Variants in INPP5A observed in about 807,000 individuals in gnomAD.
INPP5A encodes inositol polyphosphate-5-phosphatase A.
INPP5A carries 14 observed loss-of-function variants against 65.2 expected under a neutral mutation model. The observed-to-expected ratio is 0.21, with a 90% CI of 0.14 to 0.34. INPP5A has a LOEUF of 0.34. INPP5A is among the 10% of genes least tolerant of loss of function. The pLI, the probability that INPP5A is intolerant of heterozygous loss-of-function variation, is 1.00. For missense variants in INPP5A, 431 were observed against 545.6 expected (o/e 0.79, Z 2.09); for synonymous variants, 207 against 208.3 (o/e 0.99, Z 0.05).
At chr10:132,780,113 G>A (rs1280908220) in intron 13 of INPP5A, among the ~76,000 whole-genome samples, 4 of 152,244 alleles carry the variant, frequency 2.6e-5, no homozygotes, top group African/African-American at 9.6e-5. Flanking sequence ...CGCCCATGCT[G>A]GAAAGTAAAT....
chr10:132,709,502 C>A (rs1332185147), intron 7 of INPP5A, among the ~76,000 whole-genome samples: 1 of 152,060 alleles, frequency 6.6e-6, no homozygotes, highest in African/African-American at 2.4e-5. Context: ...AGGCTGCAGG[C>A]TGCCCTTTGC....
chr10:132,692,950 AAC>A (rs1256876543), intron 5 of INPP5A, among the ~76,000 whole-genome samples: 2 of 152,240 alleles, frequency 1.3e-5, no homozygotes, highest in Non-Finnish European at 2.9e-5. Context: ...TCAACGTAAC[AAC>A]AGCAACCATG....
At chr10:132,601,751 C>T (rs1280528357) in intron 1 of INPP5A, among the ~76,000 whole-genome samples, 1 of 152,156 alleles carries the variant, frequency 6.6e-6, no homozygotes, top group African/African-American at 2.4e-5. Context: ...TGTTCTTTTC[C>T]CCAGTGAATG....
At chr10:132,752,838 CCGT>C (rs1846520664) in intron 11 of INPP5A, among the ~76,000 whole-genome samples, 1 of 152,124 alleles carries the variant, frequency 6.6e-6, no homozygotes, top group South Asian at 2.1e-4. Flanking sequence ...AGCCACCATA[CCGT>C]ACAGTGTTTC....
chr10:132,733,822 G>A (rs992654324), intron 9 of INPP5A, among the ~76,000 whole-genome samples: 3 of 152,240 alleles, frequency 2.0e-5, no homozygotes, highest in Non-Finnish European at 4.4e-5. Context: ...GCCTCTGCGC[G>A]TGAACAAGCT....
intron 2 of INPP5A, among the ~76,000 whole-genome samples, chr10:132,639,710 T>C (rs752191016): frequency 6.6e-6 from 1 of 152,246 alleles, no homozygotes; most frequent in Non-Finnish European, 1.5e-5. Flanking sequence ...TTGCTCCGAC[T>C]ACGCGTAGAG....
At chr10:132,552,890 C>A (rs1437449618) in intron 1 of INPP5A, among the ~76,000 whole-genome samples, 41 of 92,674 alleles carry the variant, frequency 4.4e-4, no homozygotes, top group East Asian at 1.1e-3. Context: ...GCCTTGGTGG[C>A]ATATTGGGTA....
chr10:132,570,850 C>T (rs1458624635), intron 1 of INPP5A, among the ~76,000 whole-genome samples: 4 of 152,186 alleles, frequency 2.6e-5, no homozygotes, highest in East Asian at 3.9e-4. Context: ...CAGTGAGCTT[C>T]GTGCTGCGAT....
intron 1 of INPP5A, among the ~76,000 whole-genome samples, chr10:132,586,897 T>C (rs1441095548): frequency 1.3e-5 from 2 of 152,196 alleles, no homozygotes; most frequent in African/African-American, 2.4e-5. Flanking sequence ...AGGCTGTGGT[T>C]CTCTGCTTGT....
chr10:132,595,921 T>C (rs1435253846), intron 1 of INPP5A, among the ~76,000 whole-genome samples: 1 of 152,110 alleles, frequency 6.6e-6, no homozygotes, highest in Non-Finnish European at 1.5e-5. Context: ...TTCCCATATT[T>C]TCATAGTTTT....
chr10:132,770,412 CTG>C (rs936301015), intron 12 of INPP5A, among the ~76,000 whole-genome samples: 20 of 152,264 alleles, frequency 1.3e-4, no homozygotes, highest in Admixed American at 3.3e-4. Context: ...CCCTCTTTGT[CTG>C]TGTGGACGCT....
chr10:132,718,184 G>A (rs1845779639), intron 8 of INPP5A, among the ~76,000 whole-genome samples: 1 of 146,764 alleles, frequency 6.8e-6, no homozygotes, highest in Non-Finnish European at 1.5e-5. Flanking sequence ...TTCTGTCTGG[G>A]CGCCTTAGAC....
At chr10:132,567,831 T>G (rs1326974258) in intron 1 of INPP5A, among the ~76,000 whole-genome samples, 1 of 152,170 alleles carries the variant, frequency 6.6e-6, no homozygotes, top group Non-Finnish European at 1.5e-5. Context: ...CTGAATTATA[T>G]GCTTTCCTTT....
chr10:132,668,845 A>G (rs11146457), intron 4 of INPP5A, among the ~76,000 whole-genome samples: 29,826 of 152,132 alleles, frequency 0.2, 3,896 homozygotes, highest in East Asian at 0.46. Context: ...GCCGAGCTCC[A>G]TCGCACGACC....
chr10:132,749,468 G>T (rs536734988), intron 9 of INPP5A, 49 bp from the exon 10 acceptor site: 1 of 1,526,094 alleles, frequency 6.6e-7, no homozygotes, highest in East Asian at 2.3e-5. Flanking sequence ...ACGCTGCCAT[G>T]GGCAGGTGGG....
At chr10:132,617,604 G>A (rs1054074762) in intron 2 of INPP5A, among the ~76,000 whole-genome samples, 2 of 152,210 alleles carry the variant, frequency 1.3e-5, no homozygotes, top group Non-Finnish European at 2.9e-5. Flanking sequence ...CATCCATTGT[G>A]ACCTTCTTCC....
Position 132,537,995 on chromosome 10 carries a change from AGCTGACGCC to A in INPP5A, c.-101_-93del, listed in dbSNP as rs2070860875. ...GCGCCCCGGGGCCGCCCCCCGGCGC[AGCTGACGCC>A]CCGCGGCCCCGCGAAGACCCCGGCC... On this transcript the variant is annotated 5_prime_UTR_variant, in exon 1 of 16. The change abolishes the stop of an existing upstream ORF in the 5' untranslated region. Coordinates refer to ENST00000368594, the MANE Select transcript of INPP5A (RefSeq NM_005539.5). The A allele has an allele frequency of 2.6e-6, 1 of 391,122 alleles. No individual in the cohort carries two copies. The highest frequency in any genetic ancestry group is 2.2e-5 in the African/African-American group (1 of 44,926). The allele number at this position is 391,122 out of a possible 1,614,324, so 24.2% of individuals were successfully genotyped here.
Position 132,766,566 on chromosome 10 carries a change from A to C in INPP5A, c.977+720A>C, listed in dbSNP as rs1590998776. ...GTCACACAGTTGTGGATGTGTGTGCATAAGGTGTGCTCGCGTACATGGTTG... is the reference window on the plus strand; with the variant it reads ...GTCACACAGTTGTGGATGTGTGTGCCTAAGGTGTGCTCGCGTACATGGTTG... On this transcript the variant is annotated intron_variant, in intron 12 of 15. Transcript: ENST00000368594. Among the ~76,000 whole-genome samples, 3 of 152,296 alleles carry C rather than the reference A, an allele frequency of 2.0e-5. No individual in the cohort carries two copies. The South Asian group carries it at 6.2e-4, about 32-fold the overall frequency.
At position 132,575,553 on chromosome 10, in the gene INPP5A, T is replaced by C. The variant is rs1281647389; in HGVS notation, c.76-32362T>C. 1.3e-5 allele frequency among the ~76,000 whole-genome samples: 2 copies of C among 152,214 alleles called. No individual in the cohort carries two copies. The highest frequency in any genetic ancestry group is 2.9e-5 in the Non-Finnish European group (2 of 68,024). On this transcript the variant is annotated intron_variant, in intron 1 of 15. Coordinates refer to ENST00000368594, the MANE Select transcript of INPP5A (RefSeq NM_005539.5). The surrounding 1 kb of genome is among the most constrained non-coding windows in gnomAD (Gnocchi z 5.4). ...GAAAAGGGGAAAGCAATGAGCACTA[T>C]CCTACTTCCCTAACCCAACCACAAG...
Sources: allele counts gnomAD v4.1 joint callset (sites outside exome capture counted in the v4.1 genomes callset), GRCh38; gene constraint gnomAD v4.1.1; non-coding constraint Gnocchi (gnomAD v3.1); transcripts MANE v1.5; gene names NCBI Gene and HGNC (gene_info 2026-07-23, HGNC 2026-07-21).